PDHB: variants seen among roughly 807,000 people sequenced by gnomAD.
PDHB encodes pyruvate dehydrogenase E1 component subunit beta, mitochondrial.
PDHB carries 17 observed loss-of-function variants against 42.8 expected under a neutral mutation model. The observed-to-expected ratio is 0.40, with a 90% CI of 0.27 to 0.60. The LOEUF (loss-of-function observed/expected upper bound fraction) is 0.60, where lower values mean the gene tolerates loss of function less well. Ranked by LOEUF, PDHB falls within the 20% of genes least tolerant of loss-of-function variation. The probability of loss-of-function intolerance (pLI) is 0.46; values close to 1 mark genes in which losing one functional copy is unlikely to be tolerated. For missense variants in PDHB, 322 were observed against 451.3 expected (o/e 0.71, Z 2.60); for synonymous variants, 154 against 148.7 (o/e 1.04, Z -0.26).
At position 58,430,110 on chromosome 3, in the gene PDHB, A is replaced by G. The variant is rs748895863; in HGVS notation, c.700+18T>C. On this transcript the variant is annotated intron_variant, in intron 7 of 9. Transcript: ENST00000302746. ...GGGCTGGATTAAAAATACTGTTTAT[A>G]TATCTTAGTTTTCTTACCTTGCCTT... 8.8e-6 allele frequency: 12 copies of G among 1,358,480 alleles called. No homozygotes were observed. The highest frequency in any genetic ancestry group is 1.4e-5 in the African/African-American group (1 of 70,024). The allele number at this position is 1,358,480 out of a possible 1,614,324, so 84.2% of individuals were successfully genotyped here. A position where few individuals can be genotyped will look rare whatever the true frequency, so the allele number is the denominator to read the frequency against.
intron 1 of PDHB, 27 bp downstream of exon 1, chr3:58,433,741 G>C (rs1282102102): frequency 1.2e-6 from 2 of 1,612,416 alleles, no homozygotes; most frequent in East Asian, 4.5e-5. Context: ...GGTCGCGTGG[G>C]AATACAGGCC....
At chr3:58,430,424 C>CT (rs1185537041) in intron 6 of PDHB, among the ~76,000 whole-genome samples, 186 bp from the exon 7 acceptor site, 2 of 152,188 alleles carry the variant, frequency 1.3e-5, no homozygotes, top group African/African-American at 4.8e-5. Flanking sequence ...ATAATTTTAT[C>CT]TATCAAACCA....
intron 2 of PDHB, chr3:58,432,692 C>T: frequency 7.0e-6 from 1 of 143,402 alleles, no homozygotes; most frequent in East Asian, 2.1e-4. Context: ...AAAACTCCGT[C>T]TCAAAAAAAA....
intron 2 of PDHB, 82 bp from the exon 3 acceptor site, chr3:58,432,066 T>C: frequency 1.1e-6 from 1 of 888,348 alleles, no homozygotes; most frequent in South Asian, 1.3e-5. Flanking sequence ...TTACCTAGGC[T>C]GCCCACAGCA....
intron 6 of PDHB, 28 bp downstream of exon 6, chr3:58,430,629 A>G (rs187835871): frequency 6.2e-7 from 1 of 1,605,920 alleles, no homozygotes; most frequent in African/African-American, 1.3e-5. Context: ...TCAATCTTCA[A>G]AAAAAACCAA....
Position 58,430,748 on chromosome 3 carries a change from A to G in PDHB, c.498T>C (p.Tyr166=), listed in dbSNP as rs757249455. Residue 166 remains tyrosine, a synonymous_variant, in exon 6 of 10, where the codon TAT becomes TAC. Transcript: ENST00000302746. The part of the protein sequence containing the change: ...AQHSQCFAAW[Y]GHCPGLKVVS... ...CCACCTTTAAGCCTGGGCAGTGCCC[A>G]TACCAGGCAGCAAAGCACTGTGAGT... The G allele has an allele frequency of 6.2e-6, 10 of 1,613,846 alleles. No individual in the cohort carries two copies. The highest frequency in any genetic ancestry group is 2.2e-5 in the South Asian group (2 of 91,074).
chr3:58,427,707 A>ATAAG lies in PDHB; in HGVS notation c.*323_*326dup, dbSNP rs1560185765. 1 of 449,014 alleles carries ATAAG rather than the reference A, an allele frequency of 2.2e-6. No homozygotes were observed. Among genetic ancestry groups the ATAAG allele is most frequent in the Non-Finnish European group, 4.4e-6 (1 of 226,908 alleles). 27.8% of individuals were successfully genotyped at this position (449,014 alleles called of 1,614,324 possible). A position where few individuals can be genotyped will look rare whatever the true frequency, so the allele number is the denominator to read the frequency against. ...TATTATATGCTTTAATTTTATACAT[A>ATAAG]TAAGTTATCTTGTTTGGATACATCT... On this transcript the variant is annotated 3_prime_UTR_variant, in exon 10 of 10. Coordinates refer to ENST00000302746, the MANE Select transcript of PDHB (RefSeq NM_000925.4).
chr3:58,430,405 G>A (rs1416996134), intron 6 of PDHB, among the ~76,000 whole-genome samples, 167 bp from the exon 7 acceptor site: 1 of 152,182 alleles, frequency 6.6e-6, no homozygotes, highest in Non-Finnish European at 1.5e-5. Flanking sequence ...TAAATTTGTA[G>A]TGGTCAATAT....
intron 8 of PDHB, among the ~76,000 whole-genome samples, chr3:58,429,145 G>A (rs6793328): frequency 0.75 from 114,879 of 152,174 alleles, 43,594 homozygotes; most frequent in South Asian, 0.82. Context: ...TCATCAAAAT[G>A]AGTTAACAGT....
Position 58,431,135 on chromosome 3 carries a change from C to G in PDHB, c.304-193G>C, listed in dbSNP as rs1451311265. ...CATAGCTCACTGCAGCCTCTAACTC[C>G]TAGGCTCAAGTAATCCTTCCTCAGC... On this transcript the variant is annotated intron_variant, in intron 5 of 9. Coordinates refer to ENST00000302746, the MANE Select transcript of PDHB (RefSeq NM_000925.4). The surrounding 1 kb of genome is among the most constrained non-coding windows in gnomAD (Gnocchi z 4.4). 7.5e-5 allele frequency: 47 copies of G among 626,984 alleles called. No individual in the cohort carries two copies. The East Asian group carries it at 1.3e-3, about 17-fold the overall frequency. 38.8% of individuals were successfully genotyped at this position (626,984 alleles called of 1,614,324 possible).
At chr3:58,429,351 G>A (rs1382068958) in intron 8 of PDHB, among the ~76,000 whole-genome samples, 1 of 152,074 alleles carries the variant, frequency 6.6e-6, no homozygotes, top group Non-Finnish European at 1.5e-5. Flanking sequence ...TGAGGTGGGA[G>A]CATCACTTGG....
In PDHB at chr3:58,431,667, A is replaced by C. The variant is rs767190387; in HGVS notation, c.268-39T>G. ...TATAAACATAAGTGAAAATCCATAA[A>C]AATGAGGATAATGGACACTAACAGA... On this transcript the variant is annotated intron_variant, in intron 4 of 9. Coordinates refer to ENST00000302746, the MANE Select transcript of PDHB (RefSeq NM_000925.4). This position sits in a 1 kb window ranked among gnomAD's most constrained non-coding sequence, Gnocchi z 4.4. The C allele has an allele frequency of 6.2e-7, 1 of 1,604,102 alleles. No individual in the cohort carries two copies. Among genetic ancestry groups the C allele is most frequent in the South Asian group, 1.1e-5 (1 of 90,898 alleles).
Position 58,427,631 on chromosome 3 carries a change from C to A in PDHB, c.*403G>T, listed in dbSNP as rs2107934728. ...TTGTCTCAAAAAAAAAAAAATTAGTCATGTTAGAAATTCCTTTATTCCTTA... is the reference window on the plus strand; with the variant it reads ...TTGTCTCAAAAAAAAAAAAATTAGTAATGTTAGAAATTCCTTTATTCCTTA... On this transcript the variant is annotated 3_prime_UTR_variant, in exon 10 of 10. Transcript: ENST00000302746. 5.9e-6 allele frequency: 2 copies of A among 336,844 alleles called. No homozygotes were observed. The highest frequency in any genetic ancestry group is 1.2e-5 in the Non-Finnish European group (2 of 173,382). 20.9% of individuals were successfully genotyped at this position (336,844 alleles called of 1,614,324 possible).
chr3:58,428,428 T>TTAC (rs751631409), intron 9 of PDHB, 45 bp downstream of exon 9: 1 of 1,599,086 alleles, frequency 6.3e-7, no homozygotes, highest in Non-Finnish European at 8.6e-7. Flanking sequence ...TACATGATGT[T>TTAC]TACTATAGCT....
At chr3:58,428,330 T>C (rs760280654) in intron 9 of PDHB, 143 bp downstream of exon 9, 2 of 1,211,420 alleles carry the variant, frequency 1.7e-6, no homozygotes, top group Non-Finnish European at 1.2e-6. Context: ...AATATCTGCC[T>C]GAAGAGAAAT....
chr3:58,430,026 T>C, intron 7 of PDHB, 102 bp downstream of exon 7: 1 of 785,240 alleles, frequency 1.3e-6, no homozygotes, highest in African/African-American at 1.7e-5. Context: ...GCTCATCCTA[T>C]AATTTTTCAG....
Position 58,433,616 on chromosome 3 carries a change from AC to A in PDHB, c.96+14del. ...CCCTCCCCGCCCTCGTCCGACGAGCACCCGCGCCTGTTACCTGCAGCGCAGC... is the reference window on the plus strand; with the variant it reads ...CCCTCCCCGCCCTCGTCCGACGAGCACCGCGCCTGTTACCTGCAGCGCAGC... On this transcript the variant is annotated intron_variant, in intron 2 of 9. Coordinates refer to ENST00000302746, the MANE Select transcript of PDHB (RefSeq NM_000925.4). The A allele has an allele frequency of 2.5e-6, 4 of 1,606,596 alleles. No individual in the cohort carries two copies. The highest frequency in any genetic ancestry group is 3.4e-6 in the Non-Finnish European group (4 of 1,177,736).
intron 9 of PDHB, 146 bp downstream of exon 9, chr3:58,428,327 G>T: frequency 8.3e-7 from 1 of 1,210,034 alleles, no homozygotes; most frequent in Non-Finnish European, 1.2e-6. Context: ...AAAAATATCT[G>T]CCTGAAGAGA....
In PDHB at chr3:58,433,636, G is replaced by T. The variant is rs1412882100; in HGVS notation, c.91C>A (p.Leu31Met). 6.2e-7 allele frequency: 1 copy of T among 1,610,906 alleles called. No homozygotes were observed. The change falls in exon 2 of 10, where the codon CTG (leucine) becomes ATG (methionine). Residue 31 changes from leucine (L) to methionine (M), a missense_variant. By Grantham distance (15) the Leu-to-Met change is conservative. Around this residue, in one of 3 missense-constraint regions of PDHB, gnomAD observed 58 missense variants for 42.1 expected, o/e 1.38. Coordinates refer to ENST00000302746, the MANE Select transcript of PDHB (RefSeq NM_000925.4). ...CGAGCACCCGCGCCTGTTACCTGCAGCGCAGCCGGCGCGGTCCAGTGAAAG... is the reference window on the plus strand; with the variant it reads ...CGAGCACCCGCGCCTGTTACCTGCATCGCAGCCGGCGCGGTCCAGTGAAAG... The part of the protein sequence containing the change: ...RRFHWTAPAA[L>M]QVTVRDAINQ...
Sources: allele counts gnomAD v4.1 joint callset (sites outside exome capture counted in the v4.1 genomes callset), GRCh38; gene constraint gnomAD v4.1.1; regional missense constraint gnomAD v4.1.1; non-coding constraint Gnocchi (gnomAD v3.1); transcripts MANE v1.5; gene names NCBI Gene and HGNC (gene_info 2026-07-23, HGNC 2026-07-21).